The following SNX6 variants were observed in gnomAD, a reference collection of about 807,000 sequenced individuals.
SNX6 encodes sorting nexin 6.
Under a neutral mutation model 63.0 loss-of-function variants are expected in SNX6, and 34 were observed. The ratio of observed to expected loss-of-function variants is 0.54; its 90% CI spans 0.41 to 0.72. The LOEUF (loss-of-function observed/expected upper bound fraction) is 0.72, where lower values mean the gene tolerates loss of function less well. Ranked by LOEUF, SNX6 falls within the 30% of genes least tolerant of loss-of-function variation. The probability of loss-of-function intolerance (pLI) is 0.00; values close to 1 mark genes in which losing one functional copy is unlikely to be tolerated. For synonymous variants in SNX6, 170 were observed against 164.2 expected (o/e 1.04, Z -0.27); for missense variants, 398 against 471.4 (o/e 0.84, Z 1.44).
chr14:34,627,433 G>A (rs1340025087), intron 2 of SNX6, among the ~76,000 whole-genome samples: 3 of 151,012 alleles, frequency 2.0e-5, no homozygotes, highest in African/African-American at 4.9e-5. Context: ...CGGCCTGGGC[G>A]AAAGAGCGAG....
At chr14:34,603,567 GA>G (rs1882906621) in intron 5 of SNX6, 96 bp from the exon 6 acceptor site, 1 of 1,021,514 alleles carries the variant, frequency 9.8e-7, no homozygotes, top group African/African-American at 1.7e-5. Flanking sequence ...GGATTATTCC[GA>G]ATGCAAATCA....
chr14:34,630,082 CG>C, intron 1 of SNX6, 28 bp downstream of exon 1: 1 of 1,450,960 alleles, frequency 6.9e-7, no homozygotes. Context: ...ACCGCGCTCC[CG>C]GGACTCGGCG....
At chr14:34,587,079 C>T (rs1187283505) in intron 8 of SNX6, among the ~76,000 whole-genome samples, 2 of 146,028 alleles carry the variant, frequency 1.4e-5, no homozygotes, top group Non-Finnish European at 3.0e-5. Context: ...ATAGACGTGA[C>T]ATGATCATCT....
intron 7 of SNX6, among the ~76,000 whole-genome samples, chr14:34,595,927 T>C (rs377761641): frequency 6.6e-6 from 1 of 152,278 alleles, no homozygotes; most frequent in South Asian, 2.1e-4. Flanking sequence ...AAGAAAAGTA[T>C]AGGTGTTTTC....
At chr14:34,615,033 A>G (rs563603822) in intron 2 of SNX6, among the ~76,000 whole-genome samples, 3 of 152,180 alleles carry the variant, frequency 2.0e-5, no homozygotes, top group Middle Eastern at 3.4e-3. Flanking sequence ...TATTCTTCCA[A>G]TTCAAGATTA....
At chr14:34,629,405 G>C (rs901129300) in intron 2 of SNX6, 8 of 451,998 alleles carry the variant, frequency 1.8e-5, no homozygotes, top group Non-Finnish European at 2.7e-5. Flanking sequence ...CACTGGACAG[G>C]AGTTGATTCG....
chr14:34,596,342 T>C (rs1308974759), intron 7 of SNX6, among the ~76,000 whole-genome samples: 2 of 149,982 alleles, frequency 1.3e-5, no homozygotes, highest in East Asian at 4.1e-4. Flanking sequence ...AAAATCTGGC[T>C]GGGCGCAGTG....
chr14:34,580,428 A>G (rs1303464571), intron 10 of SNX6, among the ~76,000 whole-genome samples: 3 of 151,998 alleles, frequency 2.0e-5, no homozygotes, highest in Admixed American at 1.3e-4. Context: ...CAGCCTCCCA[A>G]GTAGTTAGGA....
rs148455974 is a variant in SNX6 at position 34,625,359 on chromosome 14, T to C, written c.54+4548A>G. ...AGGCCAGATATTTCTATTCCTAAAATGAGGAAATAGCAGGATAACTTTCTG... is the reference window on the plus strand; with the variant it reads ...AGGCCAGATATTTCTATTCCTAAAACGAGGAAATAGCAGGATAACTTTCTG... On this transcript the variant is annotated intron_variant, in intron 2 of 13. Transcript: ENST00000362031. Among the ~76,000 whole-genome samples, 934 of 152,262 alleles carry C rather than the reference T, an allele frequency of 6.1e-3. 3 individuals carry two copies. Among genetic ancestry groups the C allele is most frequent in the African/African-American group, 0.022 (902 of 41,542 alleles).
intron 2 of SNX6, among the ~76,000 whole-genome samples, chr14:34,622,898 T>C (rs1358355414): frequency 1.3e-5 from 2 of 152,208 alleles, no homozygotes; most frequent in East Asian, 1.9e-4. Flanking sequence ...GTGTATTTCA[T>C]AGGGATTTGA....
At chr14:34,608,748 C>T (rs975125192) in intron 3 of SNX6, among the ~76,000 whole-genome samples, 4 of 152,142 alleles carry the variant, frequency 2.6e-5, no homozygotes, top group African/African-American at 9.7e-5. Context: ...TAATTTGTGG[C>T]TGGGCACGGT....
chr14:34,563,503 G>C (rs754364859), intron 13 of SNX6, among the ~76,000 whole-genome samples: 10 of 150,744 alleles, frequency 6.6e-5, no homozygotes, highest in Non-Finnish European at 1.3e-4. Context: ...AGCTTGCAGT[G>C]AGCAGAGATC....
rs189682718 is a variant in SNX6 at position 34,575,324 on chromosome 14, C to T, written c.921+432G>A. Reference sequence around the variant, plus strand: ...CAAGTGATTCTCCCACCTCAGCCTCCCAAGTAGCTGGGATTACAGGCACCC... The same window carrying T: ...CAAGTGATTCTCCCACCTCAGCCTCTCAAGTAGCTGGGATTACAGGCACCC... On this transcript the variant is annotated intron_variant, in intron 11 of 13. Coordinates refer to ENST00000362031, the MANE Select transcript of SNX6 (RefSeq NM_152233.4). 5.9e-5 allele frequency among the ~76,000 whole-genome samples: 9 copies of T among 152,090 alleles called. No individual in the cohort carries two copies. The East Asian group carries it at 1.7e-3, about 29-fold the overall frequency.
At chr14:34,630,052 G>A (rs1015294907) in intron 1 of SNX6, 59 bp downstream of exon 1, 2 of 1,454,006 alleles carry the variant, frequency 1.4e-6, no homozygotes, top group South Asian at 1.4e-5. Context: ...CCCCGCGCCC[G>A]CCCCGCGCCC....
At position 34,605,587 on chromosome 14, in the gene SNX6, ATC is replaced by A; in HGVS notation, c.392+7_392+8del. Reference sequence around the variant, plus strand: ...AAAAAAAAAACAAAAAAATAAAAAAATCACTTACGCTTCCAGTTCCTGTTTCA... The same window carrying A: ...AAAAAAAAAACAAAAAAATAAAAAAAACTTACGCTTCCAGTTCCTGTTTCA... On this transcript the variant is annotated splice_region_variant and intron_variant, in intron 5 of 13. Coordinates refer to ENST00000362031, the MANE Select transcript of SNX6 (RefSeq NM_152233.4). The A allele has an allele frequency of 6.5e-7, 1 of 1,548,430 alleles. No homozygotes were observed. The highest frequency in any genetic ancestry group is 8.7e-7 in the Non-Finnish European group (1 of 1,156,008).
intron 11 of SNX6, among the ~76,000 whole-genome samples, chr14:34,572,270 C>G (rs1178146738): frequency 6.6e-6 from 1 of 151,902 alleles, no homozygotes; most frequent in African/African-American, 2.4e-5. Context: ...TATTAACGAC[C>G]ACATTTGGCT....
intron 9 of SNX6, among the ~76,000 whole-genome samples, chr14:34,583,656 T>C (rs1186691705): frequency 1.3e-5 from 2 of 152,128 alleles, no homozygotes; most frequent in Non-Finnish European, 2.9e-5. Flanking sequence ...CAGGTTCAAG[T>C]ATTCTGTAAA....
In SNX6 at chr14:34,562,924, C is replaced by T. The variant is rs934816457; in HGVS notation, c.*198G>A. 4 of 600,200 alleles carry T rather than the reference C, an allele frequency of 6.7e-6. No homozygotes were observed. Among genetic ancestry groups the T allele is most frequent in the South Asian group, 2.2e-5 (1 of 46,126 alleles). 37.2% of individuals were successfully genotyped at this position (600,200 alleles called of 1,614,324 possible). A position where few individuals can be genotyped will look rare whatever the true frequency, so the allele number is the denominator to read the frequency against. Reference sequence around the variant, plus strand: ...TGATGGACCACTGTCATGGGGAACACAGTGCGGCATCACGGCACACAGACT... The same window carrying T: ...TGATGGACCACTGTCATGGGGAACATAGTGCGGCATCACGGCACACAGACT... On this transcript the variant is annotated 3_prime_UTR_variant, in exon 14 of 14. Transcript: ENST00000362031.
At chr14:34,628,709 A>G (rs1883923234) in intron 2 of SNX6, among the ~76,000 whole-genome samples, 1 of 152,222 alleles carries the variant, frequency 6.6e-6, no homozygotes, top group Non-Finnish European at 1.5e-5. Flanking sequence ...ACAAACAGCA[A>G]TAACATCCCA....
Sources: allele counts gnomAD v4.1 joint callset (sites outside exome capture counted in the v4.1 genomes callset), GRCh38; gene constraint gnomAD v4.1.1; transcripts MANE v1.5; gene names NCBI Gene and HGNC (gene_info 2026-07-23, HGNC 2026-07-21).